The following HIP1 variants were observed in gnomAD, a reference collection of about 807,000 sequenced individuals.
HIP1 encodes the protein huntingtin interacting protein 1.
A neutral mutation model predicts 147.6 loss-of-function variants in HIP1; 65 were observed. The observed-to-expected ratio is 0.44, with a 90% CI of 0.36 to 0.54. The LOEUF is 0.54. Among genes scored for constraint, HIP1 ranks in the 20% least tolerant of loss-of-function variants. The probability of loss-of-function intolerance (pLI) is 0.00; values close to 1 mark genes in which losing one functional copy is unlikely to be tolerated. For synonymous variants in HIP1, 479 were observed against 504.0 expected (o/e 0.95, Z 0.67); for missense variants, 1,061 against 1,299.6 (o/e 0.82, Z 2.82).
intron 1 of HIP1, among the ~76,000 whole-genome samples, chr7:75,716,475 G>T (rs575080154): frequency 1.7e-3 from 250 of 149,230 alleles, no homozygotes; most frequent in African/African-American, 6.0e-3. Context: ...CGCCGCCTCA[G>T]CCTCCCAAAG....
intron 1 of HIP1, among the ~76,000 whole-genome samples, chr7:75,661,971 G>A (rs1279821179): frequency 2.0e-5 from 3 of 151,996 alleles, no homozygotes; most frequent in East Asian, 1.9e-4. Flanking sequence ...CAGAAGGAAC[G>A]GAGTGAAGAG....
At chr7:75,691,332 A>T (rs1800446150) in intron 1 of HIP1, among the ~76,000 whole-genome samples, 1 of 150,908 alleles carries the variant, frequency 6.6e-6, no homozygotes, top group African/African-American at 2.4e-5. Flanking sequence ...TCTACTAAAA[A>T]TACAAAAAAT....
chr7:75,581,824 G>T (rs587659679), intron 6 of HIP1, among the ~76,000 whole-genome samples: 1 of 152,030 alleles, frequency 6.6e-6, no homozygotes, highest in Non-Finnish European at 1.5e-5. Context: ...GGAGAGGATA[G>T]GTACCAGTGT....
At chr7:75,712,119 C>T (rs1443970799) in intron 1 of HIP1, among the ~76,000 whole-genome samples, 1 of 152,194 alleles carries the variant, frequency 6.6e-6, no homozygotes, top group Non-Finnish European at 1.5e-5. Context: ...TGACACCTCA[C>T]CGTCGCTCGG....
chr7:75,735,851 C>A (rs1360723682), intron 1 of HIP1, among the ~76,000 whole-genome samples: 2 of 151,902 alleles, frequency 1.3e-5, no homozygotes, highest in African/African-American at 2.4e-5. Flanking sequence ...ATACCACAAC[C>A]AGCTAATTTT....
chr7:75,717,708 C>T (rs1195075807), intron 1 of HIP1, among the ~76,000 whole-genome samples: 1 of 148,712 alleles, frequency 6.7e-6, no homozygotes, highest in Non-Finnish European at 1.5e-5. Flanking sequence ...CGGTGGCTCA[C>T]ACATGTCCTC....
At chr7:75,560,737 T>C (rs1795198206) in intron 13 of HIP1, among the ~76,000 whole-genome samples, 1 of 152,148 alleles carries the variant, frequency 6.6e-6, no homozygotes, top group Non-Finnish European at 1.5e-5. Context: ...GACCTGGTTC[T>C]TTTGGATTTA....
At chr7:75,641,321 G>C (rs1798645443) in intron 1 of HIP1, among the ~76,000 whole-genome samples, 1 of 151,872 alleles carries the variant, frequency 6.6e-6, no homozygotes, top group African/African-American at 2.4e-5. Flanking sequence ...TGTTGTACAG[G>C]CTGGTCCCTT....
chr7:75,708,925 A>G (rs1801080411), intron 1 of HIP1, among the ~76,000 whole-genome samples: 1 of 152,034 alleles, frequency 6.6e-6, no homozygotes, highest in Non-Finnish European at 1.5e-5. Flanking sequence ...GATTGCAATA[A>G]ATCTGTAGAT....
chr7:75,552,145 C>G (rs1554492270), intron 22 of HIP1, among the ~76,000 whole-genome samples: 1 of 152,164 alleles, frequency 6.6e-6, no homozygotes, highest in Middle Eastern at 3.2e-3. Flanking sequence ...CCTGCCTCGG[C>G]CTCCCAAAAT....
At chr7:75,695,506 A>T (rs1404750166) in intron 1 of HIP1, among the ~76,000 whole-genome samples, 1 of 152,096 alleles carries the variant, frequency 6.6e-6, no homozygotes, top group Non-Finnish European at 1.5e-5. Context: ...GCTCCAACCC[A>T]ATGCAGTTGT....
intron 1 of HIP1, among the ~76,000 whole-genome samples, chr7:75,607,073 A>AT (rs1334632183): frequency 2.0e-5 from 3 of 150,880 alleles, no homozygotes; most frequent in Non-Finnish European, 3.0e-5. Context: ...CTAAAAAAAA[A>AT]TTTTTTTTTA....
intron 1 of HIP1, among the ~76,000 whole-genome samples, chr7:75,685,338 G>A (rs753387178): frequency 2.0e-5 from 3 of 152,084 alleles, no homozygotes; most frequent in African/African-American, 7.2e-5. Flanking sequence ...CAGGGAACAG[G>A]TGCCCCAGCC....
rs1288004389 is a variant in HIP1 at position 75,535,367 on chromosome 7, T to A, written c.*2805A>T. 1 of 188,892 alleles carries A rather than the reference T, an allele frequency of 5.3e-6. No individual in the cohort carries two copies. Among genetic ancestry groups the A allele is most frequent in the Non-Finnish European group, 1.1e-5 (1 of 89,864 alleles). 11.7% of individuals were successfully genotyped at this position (188,892 alleles called of 1,614,324 possible). ...GCTGGGCTCTGACACAGAATCTTTT[T>A]TTTTTTGAGACAGGGTCTCACTCTG... On this transcript the variant is annotated 3_prime_UTR_variant, in exon 31 of 31. Coordinates refer to ENST00000336926, the MANE Select transcript of HIP1 (RefSeq NM_005338.7).
chr7:75,680,684 A>C (rs1007646326), intron 1 of HIP1, among the ~76,000 whole-genome samples: 25 of 151,922 alleles, frequency 1.6e-4, no homozygotes, highest in African/African-American at 5.3e-4. Flanking sequence ...ATCTCTGCTC[A>C]CTGCAACCTC....
At chr7:75,571,761 T>G (rs189601994) in intron 8 of HIP1, among the ~76,000 whole-genome samples, 1 of 152,156 alleles carries the variant, frequency 6.6e-6, no homozygotes, top group Admixed American at 6.5e-5. Flanking sequence ...TTTTGTATTT[T>G]TTGTACAGAC....
chr7:75,710,369 C>CA (rs1487677482), intron 1 of HIP1, among the ~76,000 whole-genome samples: 2 of 152,096 alleles, frequency 1.3e-5, no homozygotes, highest in African/African-American at 4.8e-5. Flanking sequence ...CCTACTTGGT[C>CA]ATGGTGTATA....
intron 1 of HIP1, among the ~76,000 whole-genome samples, chr7:75,634,135 C>G (rs868977710): frequency 9.2e-5 from 14 of 152,158 alleles, no homozygotes; most frequent in African/African-American, 3.1e-4. Context: ...TGGTGCCTGC[C>G]TGTTGTCCCA....
intron 1 of HIP1, among the ~76,000 whole-genome samples, chr7:75,712,462 A>G (rs1203389559): frequency 6.6e-6 from 1 of 152,258 alleles, no homozygotes. Flanking sequence ...GTAGGGGGAA[A>G]AATCACAAAG....
Sources: gnomAD v4.1 joint callset for allele counts (sites outside exome capture counted in the v4.1 genomes callset) on GRCh38, gnomAD v4.1.1 for gene constraint, MANE v1.5 for transcripts, NCBI Gene and HGNC (gene_info 2026-07-23, HGNC 2026-07-21) for gene names.